Variants in SSBP4 observed in about 807,000 individuals in gnomAD.
The protein encoded by SSBP4 is single stranded DNA binding protein 4.
In SSBP4, 33 loss-of-function variants were observed where a neutral mutation model predicts 64.6. The observed-to-expected ratio is 0.51, with a 90% CI of 0.39 to 0.68. SSBP4 has a LOEUF of 0.68. SSBP4 is among the 30% of genes least tolerant of loss of function. The probability of loss-of-function intolerance (pLI) is 0.00; values close to 1 mark genes in which losing one functional copy is unlikely to be tolerated. For synonymous variants in SSBP4, 243 were observed against 224.0 expected, an observed-to-expected ratio of 1.08 and a Z score of -0.76; for missense variants, 583 against 566.8, an observed-to-expected ratio of 1.03 and a Z score of -0.29.
At position 18,427,360 on chromosome 19, in the gene SSBP4, G is replaced by C; in HGVS notation, c.69G>C (p.Leu23=). 6.2e-7 allele frequency: 1 copy of C among 1,610,470 alleles called. No homozygotes were observed. The highest frequency in any genetic ancestry group is 8.5e-7 in the Non-Finnish European group (1 of 1,179,880). The change falls in exon 2 of 18, where the codon CTG becomes CTC. Residue 23 remains leucine, a synonymous_variant. Coordinates refer to ENST00000270061, the MANE Select transcript of SSBP4 (RefSeq NM_032627.5). This position sits in a 1 kb window ranked among gnomAD's most constrained non-coding sequence, Gnocchi z 4.4. ...SDSQAREKLA[L]YVYEYLLHIG... is the part of the protein sequence containing the mutation. ...CGCCTCGCCCCCACAGGTTGGCGCT[G>C]TACGTTTATGAGTACCTGCTGCACA...
the SSBP4 span, among the ~76,000 whole-genome samples, chr19:18,408,189 C>A: frequency 6.6e-6 from 1 of 152,204 alleles, no homozygotes. Context: ...TGACGCTGAC[C>A]ACGGGAGGCC....
chr19:18,413,171 G>A, the SSBP4 span, among the ~76,000 whole-genome samples: 2 of 131,160 alleles, frequency 1.5e-5, no homozygotes, highest in East Asian at 2.3e-4. Context: ...TTTTTTAGAC[G>A]GAGTTTTGGT....
chr19:18,422,689 G>A (rs1166150200), intron 1 of SSBP4, among the ~76,000 whole-genome samples: 2 of 152,218 alleles, frequency 1.3e-5, no homozygotes, highest in East Asian at 1.9e-4. Context: ...CAAGGACTGG[G>A]TGGGAGCCCG....
Position 18,426,908 on chromosome 19 carries a change from G to A in SSBP4, c.60-443G>A, listed in dbSNP as rs1363833553. 1.3e-5 allele frequency among the ~76,000 whole-genome samples: 2 copies of A among 152,152 alleles called. No individual in the cohort carries two copies. The highest frequency in any genetic ancestry group is 2.9e-5 in the Non-Finnish European group (2 of 68,008). On this transcript the variant is annotated intron_variant, in intron 1 of 17. Coordinates refer to ENST00000270061, the MANE Select transcript of SSBP4 (RefSeq NM_032627.5). This position sits in a 1 kb window ranked among gnomAD's most constrained non-coding sequence, Gnocchi z 4.5. ...AAGAGATGGGGTCCAGGGACTGCAGGGGATGTGGGGTGGAGGACCCCTTCC... is the reference window on the plus strand; with the variant it reads ...AAGAGATGGGGTCCAGGGACTGCAGAGGATGTGGGGTGGAGGACCCCTTCC...
chr19:18,433,418 C>G (rs941263809), intron 15 of SSBP4, 167 bp from the exon 16 acceptor site: 3 of 1,339,456 alleles, frequency 2.2e-6, no homozygotes, highest in African/African-American at 1.4e-5. Flanking sequence ...CGCCCCTCCC[C>G]CCCAGGCCCA....
chr19:18,427,572 C>G lies in SSBP4; in HGVS notation c.132+149C>G. The G allele has an allele frequency of 8.1e-7, 1 of 1,227,762 alleles. No homozygotes were observed. The allele number at this position is 1,227,762 out of a possible 1,614,324, so 76.1% of individuals were successfully genotyped here. A position where few individuals can be genotyped will look rare whatever the true frequency, so the allele number is the denominator to read the frequency against. Reference sequence around the variant, plus strand: ...CTGCAGGGTCCAGGCCCTGGGCTAGCATCCAGGCATCTGGTCCACATGCCC... The same window carrying G: ...CTGCAGGGTCCAGGCCCTGGGCTAGGATCCAGGCATCTGGTCCACATGCCC... On this transcript the variant is annotated intron_variant, in intron 2 of 17. Transcript: ENST00000270061. This position sits in a 1 kb window ranked among gnomAD's most constrained non-coding sequence, Gnocchi z 4.4.
chr19:18,410,001 TTTGTTTTTTGGAGACGGAGTC>T, the SSBP4 span, among the ~76,000 whole-genome samples: 2 of 151,698 alleles, frequency 1.3e-5, no homozygotes, highest in Non-Finnish European at 2.9e-5. Flanking sequence ...CTGGCTAATT[TTTGTTTTTTGGAGACGGAGTC>T]TCGCTCTGTC....
chr19:18,431,203 A>C, intron 5 of SSBP4, 150 bp from the exon 6 acceptor site: 1 of 244,154 alleles, frequency 4.1e-6, no homozygotes, highest in South Asian at 6.2e-5. Flanking sequence ...CCTGGTGACC[A>C]CTGGTGCCTG....
chr19:18,424,727 T>A (rs1972720767), intron 1 of SSBP4, among the ~76,000 whole-genome samples: 2 of 151,934 alleles, frequency 1.3e-5, no homozygotes, highest in South Asian at 4.1e-4. Flanking sequence ...AGAGATTTCC[T>A]TCGGTGTTTT....
chr19:18,403,543 T>G, the SSBP4 span, among the ~76,000 whole-genome samples: 1 of 145,376 alleles, frequency 6.9e-6, no homozygotes, highest in Non-Finnish European at 1.5e-5. Context: ...GTCTTGGGGT[T>G]TGGGAGTCCT....
At chr19:18,419,360 C>A (rs1448620870), upstream of SSBP4, 24 of 1,021,524 alleles carry the variant, frequency 2.3e-5, no homozygotes, top group Non-Finnish European at 2.6e-5. Flanking sequence ...GTAGAGGCAG[C>A]GGGCGGGGGC....
At chr19:18,415,963 C>T (rs965088875), upstream of SSBP4, among the ~76,000 whole-genome samples, 1 of 152,160 alleles carries the variant, frequency 6.6e-6, no homozygotes, top group Non-Finnish European at 1.5e-5. Flanking sequence ...GGGGCAACCT[C>T]CCCGCCCCCT....
chr19:18,424,246 G>A (rs934813177), intron 1 of SSBP4, among the ~76,000 whole-genome samples: 10 of 152,192 alleles, frequency 6.6e-5, no homozygotes, highest in Non-Finnish European at 1.0e-4. Context: ...CCCATGGTTC[G>A]CCTAATCCTC....
At chr19:18,410,005 T>C in the SSBP4 span, among the ~76,000 whole-genome samples, 1 of 151,776 alleles carries the variant, frequency 6.6e-6, no homozygotes, top group Non-Finnish European at 1.5e-5. Flanking sequence ...CTAATTTTTG[T>C]TTTTTGGAGA....
chr19:18,419,292 G>T, upstream of SSBP4: 2 of 999,772 alleles, frequency 2.0e-6, no homozygotes, highest in South Asian at 9.3e-5. Context: ...GCGCTCCGGC[G>T]GCGGGACCCA....
chr19:18,419,090 T>A (rs1166873928), upstream of SSBP4: 1 of 985,310 alleles, frequency 1.0e-6, no homozygotes, highest in African/African-American at 1.7e-5. Context: ...CTATGTTGAG[T>A]GTCGCTGCGA....
chr19:18,431,358 CCCCG>C lies in SSBP4; in HGVS notation c.376_379del (p.Pro126AlafsTer13). ...ACCTGGTTCTGTCCTCCTAGGGCCC[CCCCG>C]GCTCCCAGCCGTCCCCCCACAACCC... On this transcript the variant is annotated frameshift_variant, in exon 6 of 18. Transcript: ENST00000270061. LOFTEE classifies it high-confidence loss of function. 1 of 982,066 alleles carries C rather than the reference CCCCG, an allele frequency of 1.0e-6. No individual in the cohort carries two copies. 60.8% of individuals were successfully genotyped at this position (982,066 alleles called of 1,614,324 possible).
chr19:18,410,829 A>G, the SSBP4 span, among the ~76,000 whole-genome samples: 1 of 152,078 alleles, frequency 6.6e-6, no homozygotes, highest in Non-Finnish European at 1.5e-5. Flanking sequence ...TGCCTTGGCG[A>G]AGGCAGGCAA....
rs180682626 is a variant in SSBP4 at position 18,420,856 on chromosome 19, A to C, written c.59+1149A>C. On this transcript the variant is annotated intron_variant, in intron 1 of 17. Transcript: ENST00000270061. ...ACAGAGCCAGATTCCATCTCAAAAA[A>C]AAAAAACAAAAAACAAAAAAACAGT... Among the ~76,000 whole-genome samples the C allele has an allele frequency of 4.2e-3, 645 of 151,956 alleles. 4 individuals are homozygous for C. Among genetic ancestry groups the C allele is most frequent in the African/African-American group, 0.014 (601 of 41,452 alleles).
Sources: allele counts gnomAD v4.1 joint callset (sites outside exome capture counted in the v4.1 genomes callset), GRCh38; gene constraint gnomAD v4.1.1; non-coding constraint Gnocchi (gnomAD v3.1); transcripts MANE v1.5; gene names NCBI Gene and HGNC (gene_info 2026-07-23, HGNC 2026-07-21).